NME9: variants seen among roughly 807,000 people sequenced by gnomAD.
NME9 encodes the protein thioredoxin domain-containing protein 6.
In NME9, 48 loss-of-function variants were observed where a neutral mutation model predicts 44.4. That is an observed-to-expected ratio of 1.08 (90% CI 0.86 to 1.37). The LOEUF is 1.37. Among genes scored for constraint, NME9 ranks in the 40% most tolerant of loss-of-function variants. The pLI is 0.00. For missense variants in NME9, 325 were observed against 405.2 expected (o/e 0.80, Z 1.70); for synonymous variants, 139 against 147.1 (o/e 0.94, Z 0.40).
intron 8 of NME9, among the ~76,000 whole-genome samples, chr3:138,269,825 T>TC (rs1433058585): frequency 2.6e-4 from 39 of 150,822 alleles, no homozygotes; most frequent in African/African-American, 9.2e-4. Context: ...TCTTTCTTTT[T>TC]TTTTTTTTTT....
At chr3:138,311,435 C>G (rs2052697932) in intron 6 of NME9, among the ~76,000 whole-genome samples, 1 of 152,074 alleles carries the variant, frequency 6.6e-6, no homozygotes, top group Non-Finnish European at 1.5e-5. Flanking sequence ...GACAAGGACA[C>G]AACAAAACGA....
At chr3:138,306,556 C>T in intron 6 of NME9, 76 bp from the exon 7 acceptor site, 1 of 813,788 alleles carries the variant, frequency 1.2e-6, no homozygotes, top group Non-Finnish European at 2.1e-6. Flanking sequence ...ACAATGCAAC[C>T]TCTACACAAG....
At chr3:138,328,119 A>G (rs2053906663) in intron 1 of NME9, among the ~76,000 whole-genome samples, 1 of 152,238 alleles carries the variant, frequency 6.6e-6, no homozygotes, top group Non-Finnish European at 1.5e-5. Context: ...ATTTACTTCA[A>G]CCAGAACATT....
Position 138,329,681 on chromosome 3 carries a change from A to G in NME9, c.-346T>C, listed in dbSNP as rs2054006179. The G allele has an allele frequency of 8.9e-7, 1 of 1,126,406 alleles. No individual in the cohort carries two copies. The highest frequency in any genetic ancestry group is 1.1e-6 in the Non-Finnish European group (1 of 917,856). The allele number at this position is 1,126,406 out of a possible 1,614,324, so 69.8% of individuals were successfully genotyped here. A position where few individuals can be genotyped will look rare whatever the true frequency, so the allele number is the denominator to read the frequency against. On this transcript the variant is annotated 5_prime_UTR_variant, in exon 1 of 11. Coordinates refer to ENST00000333911, the MANE Select transcript of NME9 (RefSeq NM_001349018.2). ...GGGCGCGGTGCAGCCTGTCGGGCAC[A>G]GGGTCGCCAGTCGAGGAATTCTGAC...
intron 6 of NME9, among the ~76,000 whole-genome samples, chr3:138,308,090 G>A (rs1214577269): frequency 2.0e-5 from 3 of 152,164 alleles, no homozygotes; most frequent in Non-Finnish European, 4.4e-5. Context: ...CTACGTGGGA[G>A]AGACTTGATT....
At chr3:138,284,583 A>T in intron 8 of NME9, 1 of 1,265,926 alleles carries the variant, frequency 7.9e-7, no homozygotes, top group Non-Finnish European at 1.2e-6. Flanking sequence ...TTGCATTTTT[A>T]ACTCAAAATA....
At position 138,306,419 on chromosome 3, in the gene NME9, C is replaced by A. The variant is rs1391478951; in HGVS notation, c.522G>T (p.Lys174Asn). The A allele has an allele frequency of 1.9e-6, 3 of 1,613,056 alleles. No homozygotes were observed. In the Admixed American group the frequency reaches 5.0e-5, roughly 27 times the overall value. The change falls in exon 7 of 11, where the codon AAG becomes AAT. Residue 174 changes from lysine to asparagine, a missense_variant. Lys to Asn is a moderately conservative substitution (Grantham distance 94). Transcript: ENST00000333911. Reference protein sequence around the residue: ...IIKPDAVAHGKTDEIIMKIQE... With the variant: ...IIKPDAVAHGNTDEIIMKIQE... ...TTACCTTCATGATAATCTCATCAGT[C>A]TTTCCATGGGCCACTGCATCTGGTT...
intron 8 of NME9, among the ~76,000 whole-genome samples, chr3:138,283,975 G>A (rs1173157373): frequency 2.0e-5 from 3 of 152,212 alleles, no homozygotes; most frequent in Non-Finnish European, 1.5e-5. Context: ...GGAGCAAGCA[G>A]CAGGTGGAGG....
At chr3:138,267,208 TA>T in intron 8 of NME9, 1 of 1,580,972 alleles carries the variant, frequency 6.3e-7, no homozygotes. Flanking sequence ...CCATGCTGTG[TA>T]ATCTTCTTCT....
chr3:138,329,332 C>T lies in NME9; in HGVS notation c.4G>A (p.Gly2Ser). The T allele has an allele frequency of 6.5e-7, 1 of 1,536,132 alleles. No homozygotes were observed. Among genetic ancestry groups the T allele is most frequent in the Non-Finnish European group, 8.7e-7 (1 of 1,146,900 alleles). The part of the protein sequence containing the change: M[G>S]SRKKEIALQV... ...AGGGCAATTTCCTTCTTCCTGCTGC[C>T]CATGGCTCTGCAAAGAAGACGAAGC... The change falls in exon 1 of 11, where the codon GGC becomes AGC. Residue 2 changes from glycine (G) to serine (S), a missense_variant. Physicochemically the swap from Gly to Ser is moderately conservative, Grantham distance 56 (BLOSUM62 0). Transcript: ENST00000333911.
intron 2 of NME9, 132 bp downstream of exon 2, chr3:138,324,728 ACACACACACACAT>A (rs1434680060): frequency 3.0e-6 from 2 of 667,740 alleles, no homozygotes; most frequent in Non-Finnish European, 5.5e-6. Flanking sequence ...ACACACACAC[ACACACACACACAT>A]CACCTGGTTT....
chr3:138,296,970 C>A (rs1034386141), downstream of NME9: 33 of 152,152 alleles, frequency 2.2e-4, no homozygotes, highest in African/African-American at 7.7e-4. Flanking sequence ...CCTTGTGCTT[C>A]CTGAAACAGC....
At chr3:138,276,750 T>G (rs2049335751) in intron 8 of NME9, among the ~76,000 whole-genome samples, 2 of 151,976 alleles carry the variant, frequency 1.3e-5, no homozygotes, top group South Asian at 4.1e-4. Context: ...ACACTGATAA[T>G]GAAAGAAATC....
intron 8 of NME9, chr3:138,263,760 A>G (rs2047987077): frequency 6.2e-7 from 1 of 1,613,986 alleles, no homozygotes. Flanking sequence ...TGAAAATATG[A>G]TGGACCGAAT....
chr3:138,261,826 G>C (rs1030399386), exon 9 of NME9: 3 of 152,188 alleles, frequency 2.0e-5, no homozygotes, highest in Non-Finnish European at 4.4e-5. Context: ...AACAGCAAAA[G>C]CATGGAGACC....
chr3:138,267,068 C>G, intron 8 of NME9: 1 of 735,388 alleles, frequency 1.4e-6, no homozygotes. Context: ...GATAATTGTT[C>G]TTGTTTTTAT....
chr3:138,313,334 G>A (rs1017584254), intron 6 of NME9, among the ~76,000 whole-genome samples: 5 of 152,190 alleles, frequency 3.3e-5, no homozygotes, highest in Admixed American at 1.3e-4. Context: ...AGAGGTTGCA[G>A]TGAGCCAAGA....
chr3:138,300,694 T>C (rs1377382777), downstream of NME9, among the ~76,000 whole-genome samples: 1 of 152,122 alleles, frequency 6.6e-6, no homozygotes, highest in Non-Finnish European at 1.5e-5. Context: ...GCTTTTAAAT[T>C]TAAGTGTCAG....
At chr3:138,309,357 T>G (rs1448701349) in intron 6 of NME9, among the ~76,000 whole-genome samples, 1 of 147,432 alleles carries the variant, frequency 6.8e-6, no homozygotes, top group Non-Finnish European at 1.5e-5. Context: ...AAGAAAAAAA[T>G]ACTAATATGC....
Sources: allele counts gnomAD v4.1 joint callset (sites outside exome capture counted in the v4.1 genomes callset), GRCh38; gene constraint gnomAD v4.1.1; transcripts MANE v1.5; gene names NCBI Gene and HGNC (gene_info 2026-07-23, HGNC 2026-07-21).